EXOC4: variants seen among roughly 807,000 people sequenced by gnomAD.
The protein encoded by EXOC4 is exocyst complex component 4.
EXOC4 carries 71 observed loss-of-function variants against 107.2 expected under a neutral mutation model. That is an observed-to-expected ratio of 0.66 (90% CI 0.55 to 0.81). The LOEUF (loss-of-function observed/expected upper bound fraction) is 0.81, where lower values mean the gene tolerates loss of function less well. Among genes scored for constraint, EXOC4 ranks in the 30% least tolerant of loss-of-function variants. The pLI is 0.00. For missense variants in EXOC4, 1,108 were observed against 1,189.6 expected (o/e 0.93, Z 1.01); for synonymous variants, 456 against 441.2 (o/e 1.03, Z -0.42).
At chr7:133,676,456 T>C (rs1313131233) in intron 10 of EXOC4, among the ~76,000 whole-genome samples, 1 of 152,150 alleles carries the variant, frequency 6.6e-6, no homozygotes, top group Non-Finnish European at 1.5e-5. Context: ...TAGCCTCAAG[T>C]CTAGACTGAA....
intron 14 of EXOC4, among the ~76,000 whole-genome samples, chr7:133,980,868 C>T (rs1229601329): frequency 1.3e-5 from 2 of 152,054 alleles, no homozygotes; most frequent in Non-Finnish European, 2.9e-5. Flanking sequence ...GTGTTACTAA[C>T]GTATAAAGAC....
chr7:133,582,458 C>T (rs1049330591), intron 9 of EXOC4, among the ~76,000 whole-genome samples: 1 of 152,132 alleles, frequency 6.6e-6, no homozygotes, highest in Admixed American at 6.6e-5. Flanking sequence ...TTACTGAAAC[C>T]TCCATATCCA....
At chr7:133,952,484 A>G (rs1460130990) in intron 14 of EXOC4, among the ~76,000 whole-genome samples, 1 of 152,140 alleles carries the variant, frequency 6.6e-6, no homozygotes, top group African/African-American at 2.4e-5. Flanking sequence ...CTAGGAATGG[A>G]AATTTGTGTT....
intron 17 of EXOC4, among the ~76,000 whole-genome samples, chr7:134,062,034 A>G (rs2116631859): frequency 6.6e-6 from 1 of 152,280 alleles, no homozygotes; most frequent in East Asian, 1.9e-4. Flanking sequence ...TTCTGTCTAT[A>G]TTCAGGGTCA....
intron 11 of EXOC4, among the ~76,000 whole-genome samples, chr7:133,823,938 T>A (rs1251241798): frequency 9.9e-5 from 10 of 101,076 alleles, no homozygotes; most frequent in Non-Finnish European, 1.7e-4. Flanking sequence ...ATATATATAT[T>A]ATATATATAG....
At chr7:133,870,949 T>C (rs1798737510) in intron 11 of EXOC4, among the ~76,000 whole-genome samples, 1 of 152,206 alleles carries the variant, frequency 6.6e-6, no homozygotes. Flanking sequence ...TACTTGAGAA[T>C]AGAGGTACTC....
intron 10 of EXOC4, among the ~76,000 whole-genome samples, chr7:133,767,218 T>C (rs1411559290): frequency 6.6e-6 from 1 of 151,924 alleles, no homozygotes; most frequent in African/African-American, 2.4e-5. Flanking sequence ...TCAAAAACTT[T>C]CTTTTCTATC....
chr7:133,376,169 C>G (rs1300314033), intron 7 of EXOC4, among the ~76,000 whole-genome samples: 1 of 152,066 alleles, frequency 6.6e-6, no homozygotes, highest in Admixed American at 6.6e-5. Context: ...GTTTTTCATT[C>G]ATTAGACAAC....
chr7:133,965,817 T>A lies in EXOC4; in HGVS notation c.2206+27748T>A, dbSNP rs528248204. On this transcript the variant is annotated intron_variant, in intron 14 of 17. Coordinates refer to ENST00000253861, the MANE Select transcript of EXOC4 (RefSeq NM_021807.4). Reference sequence around the variant, plus strand: ...TGTCTTGGCTATACGGGCTCTTTTTTGGTTGCATATGAAATTTAAAGTAGT... The same window carrying A: ...TGTCTTGGCTATACGGGCTCTTTTTAGGTTGCATATGAAATTTAAAGTAGT... Among the ~76,000 whole-genome samples, 7 of 152,322 alleles carry A rather than the reference T, an allele frequency of 4.6e-5. No homozygotes were observed. The South Asian group carries it at 1.4e-3, about 32-fold the overall frequency.
At chr7:133,914,766 G>A (rs1799768601) in intron 12 of EXOC4, among the ~76,000 whole-genome samples, 1 of 152,174 alleles carries the variant, frequency 6.6e-6, no homozygotes, top group Non-Finnish European at 1.5e-5. Context: ...TTCCTACAGA[G>A]GATAAGTTCC....
intron 10 of EXOC4, among the ~76,000 whole-genome samples, chr7:133,656,972 T>C (rs1803314652): frequency 6.6e-6 from 1 of 152,186 alleles, no homozygotes; most frequent in Non-Finnish European, 1.5e-5. Flanking sequence ...ATTTAACATA[T>C]GCTGTGAAGA....
At chr7:133,396,092 C>G (rs1326485686) in intron 7 of EXOC4, 2 of 152,084 alleles carry the variant, frequency 1.3e-5, no homozygotes, top group Non-Finnish European at 2.9e-5. Flanking sequence ...CACTTAGGAA[C>G]TAGTTAGAAA....
chr7:133,417,150 C>T (rs530165454), intron 7 of EXOC4, among the ~76,000 whole-genome samples: 7 of 152,044 alleles, frequency 4.6e-5, no homozygotes, highest in Non-Finnish European at 4.4e-5. Context: ...GATTTGGTGG[C>T]GACATGGCAA....
intron 10 of EXOC4, among the ~76,000 whole-genome samples, chr7:133,784,810 G>A (rs1262088812): frequency 2.0e-5 from 3 of 152,064 alleles, no homozygotes; most frequent in African/African-American, 7.2e-5. Context: ...TTCAGAACAG[G>A]CTGTTCAAGA....
At chr7:133,373,053 A>G (rs1796411477) in intron 6 of EXOC4, among the ~76,000 whole-genome samples, 2 of 152,212 alleles carry the variant, frequency 1.3e-5, no homozygotes, top group Non-Finnish European at 2.9e-5. Flanking sequence ...CTACAGTCTT[A>G]CATACCTAGG....
chr7:133,460,719 A>G (rs1798571826), intron 7 of EXOC4, among the ~76,000 whole-genome samples: 1 of 152,162 alleles, frequency 6.6e-6, no homozygotes, highest in Non-Finnish European at 1.5e-5. Flanking sequence ...TCACCTTCAG[A>G]CAGAAGAATT....
Position 133,253,426 on chromosome 7 carries a change from C to T in EXOC4, c.86+239C>T, listed in dbSNP as rs557462130. On this transcript the variant is annotated intron_variant, in intron 1 of 17. Transcript: ENST00000253861. The stretch of plus-strand genomic sequence containing the variant: ...CTCAGTCTTTTCTTTAGGGGCAGCA[C>T]CTTCTATTACAGTCTCGGGACCCCA... The T allele has an allele frequency of 6.1e-5, 77 of 1,265,036 alleles. No homozygotes were observed. In the South Asian group the frequency reaches 1.7e-3, roughly 28 times the overall value. 78.4% of individuals were successfully genotyped at this position (1,265,036 alleles called of 1,614,324 possible). A position where few individuals can be genotyped will look rare whatever the true frequency, so the allele number is the denominator to read the frequency against.
At chr7:133,410,124 C>T (rs1488826361) in intron 7 of EXOC4, among the ~76,000 whole-genome samples, 1 of 152,122 alleles carries the variant, frequency 6.6e-6, no homozygotes, top group Admixed American at 6.6e-5. Flanking sequence ...GACAGCCCAT[C>T]CTGCTGAGCC....
At chr7:134,036,217 A>G (rs1306241439) in intron 17 of EXOC4, among the ~76,000 whole-genome samples, 1 of 152,208 alleles carries the variant, frequency 6.6e-6, no homozygotes, top group East Asian at 1.9e-4. Context: ...GTGACTTTCT[A>G]GTTTCCTTGA....
Sources: allele counts gnomAD v4.1 joint callset (sites outside exome capture counted in the v4.1 genomes callset), GRCh38; gene constraint gnomAD v4.1.1; transcripts MANE v1.5; gene names NCBI Gene and HGNC (gene_info 2026-07-23, HGNC 2026-07-21).